The following CEP72 variants were observed in gnomAD, a reference collection of about 807,000 sequenced individuals.
The protein encoded by CEP72 is centrosomal protein 72.
A neutral mutation model predicts 65.7 loss-of-function variants in CEP72; 78 were observed. The ratio of observed to expected loss-of-function variants is 1.19; its 90% CI spans 0.99 to 1.43. CEP72 has a LOEUF of 1.43. Ranked by LOEUF, CEP72 falls within the 40% of genes most tolerant of loss-of-function variation. The probability of loss-of-function intolerance (pLI) is 0.00; values close to 1 mark genes in which losing one functional copy is unlikely to be tolerated. For synonymous variants in CEP72, 358 were observed against 351.7 expected, an observed-to-expected ratio of 1.02 and a Z score of -0.20; for missense variants, 914 against 832.9, an observed-to-expected ratio of 1.10 and a Z score of -1.20.
At chr5:676,558 A>G in the CEP72 span, 2 of 148,572 alleles carry the variant, frequency 1.3e-5, no homozygotes, top group South Asian at 4.2e-4. Flanking sequence ...TACATCGGCC[A>G]CAGGAGGACG....
intron 4 of CEP72, among the ~76,000 whole-genome samples, chr5:628,491 T>C (rs77479952): frequency 0.1 from 4,311 of 42,506 alleles, 56 homozygotes; most frequent in African/African-American, 0.3. Flanking sequence ...TTGCCGTCCC[T>C]GGGGAGTGTT....
chr5:649,914 CTG>C (rs1355968768), intron 11 of CEP72, among the ~76,000 whole-genome samples: 3 of 92,814 alleles, frequency 3.2e-5, no homozygotes, highest in South Asian at 3.8e-4. Flanking sequence ...TGAGGTGTGA[CTG>C]TGAGGTGTGG....
the CEP72 span, among the ~76,000 whole-genome samples, chr5:673,481 T>G: frequency 0.016 from 2,437 of 151,944 alleles, 77 homozygotes; most frequent in African/African-American, 0.057. Flanking sequence ...GAGGTCAGAA[T>G]CCCTTGGCCT....
chr5:629,203 C>T (rs1464975130), intron 4 of CEP72, among the ~76,000 whole-genome samples: 1 of 152,250 alleles, frequency 6.6e-6, no homozygotes, highest in Non-Finnish European at 1.5e-5. Context: ...GGTCACCATG[C>T]TAAGGTGGGT....
chr5:671,417 C>T (rs868839027), downstream of CEP72, among the ~76,000 whole-genome samples: 13 of 152,284 alleles, frequency 8.5e-5, no homozygotes, highest in African/African-American at 2.4e-4. Context: ...ACCCCAGTCT[C>T]GGCCTGGGCA....
At chr5:668,562 G>A (rs951369504), downstream of CEP72, among the ~76,000 whole-genome samples, 12 of 152,224 alleles carry the variant, frequency 7.9e-5, no homozygotes, top group Non-Finnish European at 1.0e-4. Context: ...TAAACTGCCG[G>A]CACCTCGAGC....
downstream of CEP72, among the ~76,000 whole-genome samples, chr5:656,649 C>T (rs1464607097): frequency 6.6e-6 from 1 of 152,152 alleles, no homozygotes; most frequent in Non-Finnish European, 1.5e-5. Context: ...TAATTTTAAT[C>T]ATTTGCCTGT....
chr5:673,536 C>T, the CEP72 span, among the ~76,000 whole-genome samples: 40 of 152,250 alleles, frequency 2.6e-4, 1 homozygote, highest in African/African-American at 9.1e-4. Flanking sequence ...AGCTGCTGCC[C>T]GCAGGACAAT....
intron 11 of CEP72, 41 bp downstream of exon 11, chr5:647,957 AG>A (rs1315593367): frequency 7.0e-7 from 1 of 1,429,294 alleles, no homozygotes; most frequent in Admixed American, 1.8e-5. Context: ...CGAGGGGAGG[AG>A]GCCCAGGTAC....
chr5:628,598 C>CGTTATGGAGAACTCAGGTCACGG (rs146718664), intron 4 of CEP72, among the ~76,000 whole-genome samples: 11 of 85,594 alleles, frequency 1.3e-4, no homozygotes, highest in Non-Finnish European at 2.7e-4. Context: ...CTTTGTGCAG[C>CGTTATGGAGAACTCAGGTCACGG]TTCTGGAGAA....
intron 4 of CEP72, among the ~76,000 whole-genome samples, chr5:625,493 C>T (rs772590372): frequency 1.3e-5 from 2 of 152,230 alleles, no homozygotes; most frequent in African/African-American, 2.4e-5. Flanking sequence ...ATTGGCAGCA[C>T]GGAAGCCAGG....
rs1312092633 is a variant in CEP72, at chr5:624,876, G to A, written c.512+297G>A. The stretch of plus-strand genomic sequence containing the variant: ...CTTTCCCGGGGCTGGCAGCTCTCAC[G>A]TCTGTGGCTGCCTCTGCTTCCAGCT... On this transcript the variant is annotated intron_variant, in intron 4 of 11. Transcript: ENST00000264935. The surrounding 1 kb of genome is among the most constrained non-coding windows in gnomAD (Gnocchi z 4.7). 3.3e-5 allele frequency among the ~76,000 whole-genome samples: 5 copies of A among 152,210 alleles called. No individual in the cohort carries two copies. Among genetic ancestry groups the A allele is most frequent in the Non-Finnish European group, 5.9e-5 (4 of 68,038 alleles).
rs1162220524 is a variant in CEP72 at position 624,622 on chromosome 5, G to A, written c.512+43G>A. 2 of 1,370,132 alleles carry A rather than the reference G, an allele frequency of 1.5e-6. No individual in the cohort carries two copies. Among genetic ancestry groups the A allele is most frequent in the African/African-American group, 1.4e-5 (1 of 70,114 alleles). The allele number at this position is 1,370,132 out of a possible 1,614,324, so 84.9% of individuals were successfully genotyped here. On this transcript the variant is annotated intron_variant, in intron 4 of 11. Transcript: ENST00000264935. The surrounding 1 kb of genome is among the most constrained non-coding windows in gnomAD (Gnocchi z 4.7). ...ACGGACACCCAGAGTGTTTCTGACT[G>A]GCCTGCTGTCAGGAGGATTAACCGA...
At position 645,679 on chromosome 5, in the gene CEP72, G is replaced by T. The variant is rs918975905; in HGVS notation, c.1666+1254G>T. 1.3e-5 allele frequency among the ~76,000 whole-genome samples: 2 copies of T among 152,216 alleles called. No individual in the cohort carries two copies. The highest frequency in any genetic ancestry group is 1.9e-4 in the East Asian group (1 of 5,196). On this transcript the variant is annotated intron_variant, in intron 10 of 11. Coordinates refer to ENST00000264935, the MANE Select transcript of CEP72 (RefSeq NM_018140.4). The surrounding 1 kb of genome is among the most constrained non-coding windows in gnomAD (Gnocchi z 4.0). ...TGATCAGCACTGGTACCCGCTCCAC[G>T]CCCTGAGCTGCTGGGATAGGCTGCA... is the stretch of plus-strand genomic sequence containing the variant.
chr5:662,905 C>G (rs112296908), intron 1 of CEP72: 1 of 141,254 alleles, frequency 7.1e-6, no homozygotes, highest in South Asian at 2.2e-4. Context: ...CGTCTGTGAT[C>G]GGGCGATTCT....
At chr5:666,129 G>A (rs763585362) in intron 4 of CEP72, 4 of 1,606,620 alleles carry the variant, frequency 2.5e-6, no homozygotes, top group East Asian at 4.5e-5. Context: ...TCCCTCTACA[G>A]GGGCACAGGC....
chr5:664,941 G>A, intron 2 of CEP72: 1 of 759,466 alleles, frequency 1.3e-6, no homozygotes, highest in Non-Finnish European at 2.1e-6. Flanking sequence ...CATCCGGTAG[G>A]AGGAGGGGCA....
chr5:665,057 C>A, intron 2 of CEP72: 1 of 1,580,028 alleles, frequency 6.3e-7, no homozygotes. Context: ...TGACAGAGTC[C>A]CTGCTCTGGG....
In CEP72 at chr5:628,935, G is replaced by A. The variant is rs573714832; in HGVS notation, c.512+4356G>A. The stretch of plus-strand genomic sequence containing the variant: ...GACCCAGCCCCCTTCTTTGTGCAGC[G>A]TTCTGGAGAACTCAGGTCACAGGCC... On this transcript the variant is annotated intron_variant, in intron 4 of 11. Coordinates refer to ENST00000264935, the MANE Select transcript of CEP72 (RefSeq NM_018140.4). Among the ~76,000 whole-genome samples, 8 of 41,152 alleles carry A rather than the reference G, an allele frequency of 1.9e-4. 1 individual carries two copies. Among genetic ancestry groups the A allele is most frequent in the African/African-American group, 5.5e-4 (7 of 12,692 alleles). The allele number at this position is 41,152 out of a possible 152,430, so 27.0% of individuals were successfully genotyped here. A position where few individuals can be genotyped will look rare whatever the true frequency, so the allele number is the denominator to read the frequency against.
Sources: gnomAD v4.1 joint callset for allele counts (sites outside exome capture counted in the v4.1 genomes callset) on GRCh38, gnomAD v4.1.1 for gene constraint, Gnocchi (gnomAD v3.1) non-coding constraint, MANE v1.5 for transcripts, NCBI Gene and HGNC (gene_info 2026-07-23, HGNC 2026-07-21) for gene names.